The following RALGPS1 variants were observed in gnomAD, a reference collection of about 807,000 sequenced individuals.
RALGPS1 encodes the protein Ral GEF with PH domain and SH3 binding motif 1.
A neutral mutation model predicts 78.8 loss-of-function variants in RALGPS1; 19 were observed. The ratio of observed to expected loss-of-function variants is 0.24; its 90% CI spans 0.17 to 0.35. The LOEUF is 0.35. RALGPS1 is among the 10% of genes least tolerant of loss of function. The pLI is 1.00. For synonymous variants in RALGPS1, 228 were observed against 256.3 expected (o/e 0.89, Z 1.06); for missense variants, 454 against 688.3 (o/e 0.66, Z 3.81).
chr9:127,139,098 G>A (rs1208988658), intron 8 of RALGPS1, among the ~76,000 whole-genome samples: 1 of 152,194 alleles, frequency 6.6e-6, no homozygotes, highest in African/African-American at 2.4e-5. Flanking sequence ...GATCCTGGAA[G>A]CCAGGGACAG....
At chr9:127,184,154 C>T (rs747729037) in intron 11 of RALGPS1, 6 of 1,085,486 alleles carry the variant, frequency 5.5e-6, no homozygotes, top group Non-Finnish European at 8.0e-6. Flanking sequence ...GGCAAAACCC[C>T]ATCTCTACAA....
rs1328502925 is a variant in RALGPS1 at position 127,091,642 on chromosome 9, C to T, written c.610+22286C>T. 6.2e-7 allele frequency: 1 copy of T among 1,604,550 alleles called. No homozygotes were observed. The highest frequency in any genetic ancestry group is 8.5e-7 in the Non-Finnish European group (1 of 1,174,176). On this transcript the variant is annotated intron_variant, in intron 8 of 18. Transcript: ENST00000259351. This position sits in a 1 kb window ranked among gnomAD's most constrained non-coding sequence, Gnocchi z 4.3. ...TGGTTGACCTCTTTTCCCTACCCTG[C>T]ACCTGGGTTTGACTCCACTTTTCCT...
intron 4 of RALGPS1, among the ~76,000 whole-genome samples, chr9:127,033,582 T>C (rs559991217): frequency 8.5e-5 from 13 of 152,348 alleles, no homozygotes; most frequent in Middle Eastern, 3.4e-3. Context: ...TTGTAACTTA[T>C]AGGTGGAGAA....
chr9:127,214,786 C>T lies in RALGPS1; in HGVS notation c.1588C>T (p.His530Tyr). Residue 530 changes from histidine to tyrosine, a missense_variant, in exon 18 of 19, where the codon CAT becomes TAT. Physicochemically the swap from His to Tyr is moderately conservative, Grantham distance 83. Transcript: ENST00000259351. Reference protein sequence around the residue: ...VYKFQTGSRFHAILWHKHLDD... With the variant: ...VYKFQTGSRFYAILWHKHLDD... ...CAAGTTTCAGACTGGTTCCCGATTT[C>T]ATGCAATACTGTGGCACAAGCATTT... The T allele has an allele frequency of 6.2e-7, 1 of 1,610,926 alleles. No individual in the cohort carries two copies. The highest frequency in any genetic ancestry group is 8.5e-7 in the Non-Finnish European group (1 of 1,178,916).
At chr9:127,182,384 C>CCTT (rs2060310075) in intron 11 of RALGPS1, among the ~76,000 whole-genome samples, 3 of 31,770 alleles carry the variant, frequency 9.4e-5, no homozygotes, top group Non-Finnish European at 1.3e-4. Flanking sequence ...CTCCCTCCCT[C>CCTT]CCTCCCTCCC....
intron 1 of RALGPS1, among the ~76,000 whole-genome samples, chr9:126,933,756 A>G (rs573353682): frequency 3.3e-5 from 5 of 152,114 alleles, no homozygotes; most frequent in African/African-American, 1.2e-4. Flanking sequence ...AACAGCTGCC[A>G]TGGGAGACAA....
intron 11 of RALGPS1, chr9:127,184,321 G>GC: frequency 3.9e-6 from 1 of 259,084 alleles, no homozygotes; most frequent in East Asian, 1.0e-4. Flanking sequence ...CCTTGTCTCA[G>GC]GAAAAAAAAA....
At chr9:127,152,288 A>G (rs2058464266) in intron 8 of RALGPS1, among the ~76,000 whole-genome samples, 1 of 152,146 alleles carries the variant, frequency 6.6e-6, no homozygotes, top group Non-Finnish European at 1.5e-5. Flanking sequence ...CTTTCGTATT[A>G]TCCTTTTTGG....
intron 8 of RALGPS1, among the ~76,000 whole-genome samples, chr9:127,097,948 G>C (rs1483709765): frequency 1.3e-5 from 2 of 152,216 alleles, no homozygotes; most frequent in Non-Finnish European, 2.9e-5. Flanking sequence ...TTCTGAGGAT[G>C]TCATGAACCC....
chr9:127,119,627 T>G (rs891515621), intron 8 of RALGPS1, among the ~76,000 whole-genome samples: 1 of 152,200 alleles, frequency 6.6e-6, no homozygotes, highest in Non-Finnish European at 1.5e-5. Flanking sequence ...ATAATGTATA[T>G]GCCTTATTTA....
intron 8 of RALGPS1, among the ~76,000 whole-genome samples, chr9:127,118,807 G>A (rs2055728839): frequency 6.6e-6 from 1 of 152,266 alleles, no homozygotes; most frequent in South Asian, 2.1e-4. Flanking sequence ...TAAATGGGCT[G>A]TGATTCAGAG....
intron 8 of RALGPS1, among the ~76,000 whole-genome samples, chr9:127,083,895 T>C (rs2051415393): frequency 6.6e-6 from 1 of 152,028 alleles, no homozygotes; most frequent in South Asian, 2.1e-4. Context: ...GGAAGACAGA[T>C]GGTCAGCTTG....
chr9:126,954,764 T>C (rs1348346432), intron 1 of RALGPS1, among the ~76,000 whole-genome samples: 2 of 152,330 alleles, frequency 1.3e-5, no homozygotes, highest in East Asian at 3.9e-4. Flanking sequence ...ATTGCGCCAC[T>C]GCACTCCAGC....
chr9:127,008,449 G>A (rs757708067), intron 4 of RALGPS1, among the ~76,000 whole-genome samples: 2 of 151,638 alleles, frequency 1.3e-5, no homozygotes, highest in Non-Finnish European at 2.9e-5. Context: ...TGGCTGAAGT[G>A]TCTTTGGGGA....
At chr9:127,062,101 GTTTTTT>G (rs927109802) in intron 7 of RALGPS1, among the ~76,000 whole-genome samples, 1 of 151,234 alleles carries the variant, frequency 6.6e-6, no homozygotes, top group Non-Finnish European at 1.5e-5. Context: ...TTTTTTTGTT[GTTTTTT>G]TTTGTTTTGA....
At position 127,027,908 on chromosome 9, in the gene RALGPS1, C is replaced by T. The variant is rs530712431; in HGVS notation, c.217-6523C>T. On this transcript the variant is annotated intron_variant, in intron 4 of 18. Transcript: ENST00000259351. ...CATAGTCTCATCCATCAATTGGTGC[C>T]TATCTCATCGTCTTGTTTGTGGATT... 1.1e-4 allele frequency among the ~76,000 whole-genome samples: 17 copies of T among 152,306 alleles called. 1 individual carries two copies. The South Asian group carries it at 3.1e-3, about 28-fold the overall frequency.
intron 4 of RALGPS1, among the ~76,000 whole-genome samples, chr9:126,993,603 T>C (rs956484874): frequency 1.3e-5 from 2 of 152,046 alleles, no homozygotes; most frequent in African/African-American, 4.8e-5. Flanking sequence ...CCACTGTAGC[T>C]CTGGTCTACA....
intron 1 of RALGPS1, among the ~76,000 whole-genome samples, chr9:126,954,644 G>A (rs1284769390): frequency 6.6e-6 from 1 of 152,082 alleles, no homozygotes; most frequent in Non-Finnish European, 1.5e-5. Context: ...AAAATTAGCC[G>A]GGCATGGTAG....
intron 4 of RALGPS1, among the ~76,000 whole-genome samples, chr9:126,985,165 G>T (rs2041679248): frequency 6.6e-6 from 1 of 152,102 alleles, no homozygotes; most frequent in Non-Finnish European, 1.5e-5. Context: ...CTGCTGAGAG[G>T]CGTGGCAAGC....
Sources: allele counts gnomAD v4.1 joint callset (sites outside exome capture counted in the v4.1 genomes callset), GRCh38; gene constraint gnomAD v4.1.1; non-coding constraint Gnocchi (gnomAD v3.1); transcripts MANE v1.5; gene names NCBI Gene and HGNC (gene_info 2026-07-23, HGNC 2026-07-21).